WDPCP: variants seen among roughly 807,000 people sequenced by gnomAD.
WDPCP encodes the protein WD repeat-containing and planar cell polarity effector protein fritz homolog.
In WDPCP, 71 loss-of-function variants were observed where a neutral mutation model predicts 93.1. The observed-to-expected ratio is 0.76, with a 90% CI of 0.63 to 0.93. The LOEUF (loss-of-function observed/expected upper bound fraction) is 0.93, where lower values mean the gene tolerates loss of function less well. Ranked by LOEUF, WDPCP falls within the 40% of genes least tolerant of loss-of-function variation. WDPCP has a pLI of 0.00. For synonymous variants in WDPCP, 315 were observed against 315.0 expected, an observed-to-expected ratio of 1.00 and a Z score of 0.00; for missense variants, 844 against 887.4, an observed-to-expected ratio of 0.95 and a Z score of 0.62.
At chr2:63,318,861 A>T (rs1686865737) in intron 12 of WDPCP, among the ~76,000 whole-genome samples, 1 of 152,188 alleles carries the variant, frequency 6.6e-6, no homozygotes, top group Admixed American at 6.5e-5. Context: ...TAAGCTGTAC[A>T]CCAGACCCCC....
chr2:63,714,387 A>T (rs952815053), intron 2 of WDPCP, among the ~76,000 whole-genome samples: 6 of 152,088 alleles, frequency 3.9e-5, no homozygotes, highest in African/African-American at 1.4e-4. Flanking sequence ...TTCTTCAGAA[A>T]ATCCTCCTCA....
At chr2:63,731,740 TATGA>T (rs1669564386) in intron 2 of WDPCP, among the ~76,000 whole-genome samples, 1 of 152,158 alleles carries the variant, frequency 6.6e-6, no homozygotes, top group Non-Finnish European at 1.5e-5. Context: ...AGGTAGCAAA[TATGA>T]ATGCAATCTG....
chr2:63,687,202 T>C (rs1668817705), intron 2 of WDPCP, among the ~76,000 whole-genome samples: 2 of 152,282 alleles, frequency 1.3e-5, no homozygotes, highest in South Asian at 4.1e-4. Context: ...TTGACGTAAA[T>C]ATAAGACCTC....
At chr2:63,467,986 C>T (rs1175724230) in intron 6 of WDPCP, among the ~76,000 whole-genome samples, 1 of 152,048 alleles carries the variant, frequency 6.6e-6, no homozygotes, top group African/African-American at 2.4e-5. Flanking sequence ...CTGAGGCTGG[C>T]GGTAAAGTTG....
At chr2:63,415,872 G>T (rs1254039128) in intron 9 of WDPCP, among the ~76,000 whole-genome samples, 1 of 152,192 alleles carries the variant, frequency 6.6e-6, no homozygotes, top group Admixed American at 6.5e-5. Flanking sequence ...AAAGAAAGAA[G>T]CTTGTGCTTT....
rs774236081 is a variant in WDPCP, at chr2:63,313,274, C to G, written c.1786G>C (p.Asp596His). The change falls in exon 13 of 18, where the codon GAC becomes CAC. Residue 596 changes from aspartate to histidine, a missense_variant. Physicochemically the swap from Asp to His is moderately conservative, Grantham distance 81. Transcript: ENST00000272321. ...ATAAAGAGGTCACGAGCACCAACGT[C>G]AACAGCTAGGAGAAATGCCTTTTCA... ...RFEKAFLLAV[D>H]VGARDLFMDI... The G allele has an allele frequency of 1.2e-6, 2 of 1,613,684 alleles. No homozygotes were observed. Among genetic ancestry groups the G allele is most frequent in the Non-Finnish European group, 1.7e-6 (2 of 1,179,760 alleles).
At chr2:63,584,073 T>A (rs1245937847) in intron 1 of WDPCP, among the ~76,000 whole-genome samples, 3 of 151,996 alleles carry the variant, frequency 2.0e-5, no homozygotes, top group Non-Finnish European at 4.4e-5. Context: ...GGCAGGAGGA[T>A]CACTTGAGCC....
chr2:63,365,136 GTGT>G (rs2104707479), intron 12 of WDPCP, among the ~76,000 whole-genome samples: 1 of 152,268 alleles, frequency 6.6e-6, no homozygotes, highest in South Asian at 2.1e-4. Context: ...GACTTAAATA[GTGT>G]TGTTGTAAGG....
chr2:63,772,246 T>C (rs1042128520), intron 2 of WDPCP, among the ~76,000 whole-genome samples: 5 of 152,124 alleles, frequency 3.3e-5, no homozygotes, highest in African/African-American at 1.2e-4. Flanking sequence ...TGAGATGGCA[T>C]CTCATTGTGG....
At chr2:63,338,101 A>G (rs988174402) in intron 12 of WDPCP, among the ~76,000 whole-genome samples, 6 of 152,146 alleles carry the variant, frequency 3.9e-5, no homozygotes, top group African/African-American at 9.7e-5. Context: ...CCTTTCCCTA[A>G]TGATACCTTC....
At chr2:63,571,715 A>T (rs1575672591) in intron 1 of WDPCP, 1 of 449,834 alleles carries the variant, frequency 2.2e-6, no homozygotes, top group East Asian at 7.0e-5. Flanking sequence ...TAAATATTCA[A>T]ACATTCTTGG....
At chr2:63,283,853 G>A (rs909670602) in intron 13 of WDPCP, among the ~76,000 whole-genome samples, 3 of 152,242 alleles carry the variant, frequency 2.0e-5, no homozygotes, top group Non-Finnish European at 2.9e-5. Context: ...GTGTTGTTTC[G>A]ATTCTGTTTG....
intron 12 of WDPCP, among the ~76,000 whole-genome samples, chr2:63,368,535 G>A (rs1013060446): frequency 1.3e-5 from 2 of 151,472 alleles, no homozygotes; most frequent in South Asian, 2.1e-4. Context: ...CATGTTGGCC[G>A]GGCTGGTCTT....
At chr2:63,589,030 C>T (rs779199756), upstream of WDPCP, 2 of 1,614,098 alleles carry the variant, frequency 1.2e-6, no homozygotes, top group Non-Finnish European at 1.7e-6. Flanking sequence ...AAATTGTCCC[C>T]GCAGTTTTCA....
intron 14 of WDPCP, among the ~76,000 whole-genome samples, chr2:63,239,753 C>A (rs993820558): frequency 4.6e-5 from 7 of 152,120 alleles, no homozygotes; most frequent in African/African-American, 1.7e-4. Context: ...TGCTTGGGCA[C>A]TTTAATGTTA....
chr2:63,187,883 G>A (rs780806327), intron 14 of WDPCP, among the ~76,000 whole-genome samples: 3 of 152,120 alleles, frequency 2.0e-5, no homozygotes, highest in Non-Finnish European at 4.4e-5. Context: ...AGTATTTATT[G>A]TCTAGTAACA....
chr2:63,641,409 C>T (rs992569270), intron 3 of WDPCP, among the ~76,000 whole-genome samples: 3 of 152,164 alleles, frequency 2.0e-5, no homozygotes, highest in African/African-American at 7.2e-5. Flanking sequence ...TTTTCATCAA[C>T]AGTGTATGAG....
At chr2:63,292,955 A>ACCTT (rs1350631943) in intron 13 of WDPCP, among the ~76,000 whole-genome samples, 1 of 152,176 alleles carries the variant, frequency 6.6e-6, no homozygotes, top group East Asian at 1.9e-4. Flanking sequence ...AACTGTGCAC[A>ACCTT]CCTTCCAGAG....
chr2:63,679,843 C>A (rs1710470433), intron 2 of WDPCP, among the ~76,000 whole-genome samples: 1 of 152,080 alleles, frequency 6.6e-6, no homozygotes, highest in South Asian at 2.1e-4. Flanking sequence ...CACCTTTAAT[C>A]AATTTTTTCC....
Sources: allele counts gnomAD v4.1 joint callset (sites outside exome capture counted in the v4.1 genomes callset), GRCh38; gene constraint gnomAD v4.1.1; transcripts MANE v1.5; gene names NCBI Gene and HGNC (gene_info 2026-07-23, HGNC 2026-07-21).